SORCS2: variants seen among roughly 807,000 people sequenced by gnomAD.
SORCS2 encodes the protein sortilin related VPS10 domain containing receptor 2, also known as VPS10 domain-containing receptor SorCS2.
A neutral mutation model predicts 141.6 loss-of-function variants in SORCS2; 100 were observed. The observed-to-expected ratio is 0.71, with a 90% CI of 0.60 to 0.83. SORCS2 has a LOEUF of 0.83. Ranked by LOEUF, SORCS2 falls within the 40% of genes least tolerant of loss-of-function variation. The probability of loss-of-function intolerance (pLI) is 0.00; values close to 1 mark genes in which losing one functional copy is unlikely to be tolerated. For missense variants in SORCS2, 1,646 were observed against 1,560.2 expected (o/e 1.05, Z -0.93); for synonymous variants, 789 against 676.9 (o/e 1.17, Z -2.57).
At chr4:7,424,936 G>T (rs898278510) in intron 2 of SORCS2, among the ~76,000 whole-genome samples, 4 of 152,242 alleles carry the variant, frequency 2.6e-5, no homozygotes, top group Admixed American at 6.5e-5. Flanking sequence ...CAGGACACTG[G>T]CATGGGTGCT....
chr4:7,568,583 G>A (rs1434300290), intron 3 of SORCS2, among the ~76,000 whole-genome samples: 1 of 152,112 alleles, frequency 6.6e-6, no homozygotes, highest in Non-Finnish European at 1.5e-5. Context: ...ACTTTGCAAA[G>A]AGTTGGTATC....
chr4:7,408,410 G>C (rs954794959), intron 2 of SORCS2, among the ~76,000 whole-genome samples: 1 of 150,450 alleles, frequency 6.6e-6, no homozygotes, highest in Non-Finnish European at 1.5e-5. Context: ...TTAGCACTTT[G>C]AAAATGTCTT....
At chr4:7,623,216 A>G (rs921768123) in intron 3 of SORCS2, among the ~76,000 whole-genome samples, 3 of 151,798 alleles carry the variant, frequency 2.0e-5, no homozygotes, top group African/African-American at 7.3e-5. Flanking sequence ...CTGATGCCCC[A>G]CCTTTGACAA....
At chr4:7,572,445 G>T (rs908528673) in intron 3 of SORCS2, among the ~76,000 whole-genome samples, 1 of 151,776 alleles carries the variant, frequency 6.6e-6, no homozygotes, top group African/African-American at 2.4e-5. Flanking sequence ...AATTTTTTTT[G>T]GAATTTAAAC....
At chr4:7,530,021 G>A (rs1052187191) in intron 2 of SORCS2, among the ~76,000 whole-genome samples, 1 of 152,184 alleles carries the variant, frequency 6.6e-6, no homozygotes, top group East Asian at 1.9e-4. Context: ...AGGACTGTGA[G>A]GGACACACAT....
chr4:7,598,450 A>G (rs925926305), intron 3 of SORCS2, among the ~76,000 whole-genome samples: 11 of 152,152 alleles, frequency 7.2e-5, no homozygotes, highest in South Asian at 2.1e-4. Context: ...CCCTGCATTG[A>G]TGTAGGAGCT....
chr4:7,671,034 A>G (rs1722769892), intron 8 of SORCS2, among the ~76,000 whole-genome samples: 1 of 152,216 alleles, frequency 6.6e-6, no homozygotes, highest in African/African-American at 2.4e-5. Flanking sequence ...AGACATTCAA[A>G]AGCAACTGTA....
At chr4:7,706,189 G>A (rs1239213494) in intron 14 of SORCS2, among the ~76,000 whole-genome samples, 1 of 127,818 alleles carries the variant, frequency 7.8e-6, no homozygotes, top group African/African-American at 2.9e-5. Flanking sequence ...GCTGGGCTCC[G>A]TCTGGGCAGG....
intron 1 of SORCS2, among the ~76,000 whole-genome samples, chr4:7,237,053 C>T (rs144195042): frequency 1.4e-3 from 213 of 152,290 alleles, no homozygotes; most frequent in African/African-American, 4.9e-3. Context: ...TGCCAGCGCA[C>T]ATGGTCACTG....
chr4:7,527,198 G>A (rs1447802264), intron 2 of SORCS2, among the ~76,000 whole-genome samples: 1 of 152,188 alleles, frequency 6.6e-6, no homozygotes, highest in East Asian at 1.9e-4. Flanking sequence ...CCTCGGACCC[G>A]GCTCAAATGC....
chr4:7,243,678 G>T (rs183198376), intron 1 of SORCS2, among the ~76,000 whole-genome samples: 1 of 152,248 alleles, frequency 6.6e-6, no homozygotes, highest in South Asian at 2.1e-4. Context: ...GCGGGTGGTC[G>T]TTGGCATGAA....
At chr4:7,626,110 G>A (rs1560436297) in intron 3 of SORCS2, among the ~76,000 whole-genome samples, 2 of 152,098 alleles carry the variant, frequency 1.3e-5, no homozygotes, top group Middle Eastern at 3.4e-3. Context: ...TCACACCACT[G>A]CACTCCAGCC....
chr4:7,302,416 C>T (rs192825712), intron 1 of SORCS2, among the ~76,000 whole-genome samples: 6 of 152,350 alleles, frequency 3.9e-5, no homozygotes, highest in South Asian at 4.1e-4. Context: ...ACTCCTGCCT[C>T]GGGGCCTTTG....
At chr4:7,429,412 A>C (rs1450899019) in intron 2 of SORCS2, among the ~76,000 whole-genome samples, 1 of 152,248 alleles carries the variant, frequency 6.6e-6, no homozygotes, top group East Asian at 1.9e-4. Flanking sequence ...TTTGGTGAGG[A>C]AGACATGAAG....
chr4:7,255,983 G>A (rs1367033151), intron 1 of SORCS2, among the ~76,000 whole-genome samples: 2 of 150,440 alleles, frequency 1.3e-5, no homozygotes, highest in Non-Finnish European at 3.0e-5. Context: ...GGGGACCCGG[G>A]ATTGGTGCAT....
chr4:7,336,187 G>T (rs900216972), intron 1 of SORCS2, among the ~76,000 whole-genome samples: 1 of 152,202 alleles, frequency 6.6e-6, no homozygotes, highest in South Asian at 2.1e-4. Flanking sequence ...CCTGCCCTGC[G>T]TCCTGGTCGA....
At chr4:7,230,802 C>A (rs557193539) in intron 1 of SORCS2, among the ~76,000 whole-genome samples, 1 of 151,332 alleles carries the variant, frequency 6.6e-6, no homozygotes, top group Non-Finnish European at 1.5e-5. Context: ...ATGGTAAAGT[C>A]TTCGAGTGTC....
In SORCS2 at chr4:7,531,637, C is replaced by CA. The variant is rs749784368; in HGVS notation, c.648+8_648+9insA. On this transcript the variant is annotated intron_variant, in intron 3 of 26. Coordinates refer to ENST00000507866, the MANE Select transcript of SORCS2 (RefSeq NM_020777.3). ...CCGACCAACAAGAGGAAGGTAGGTG[C>CA]TGGCTGGGGGTGGCCGCCACTCTGG... 2.7e-4 allele frequency: 437 copies of CA among 1,612,078 alleles called. No individual in the cohort carries two copies. The highest frequency in any genetic ancestry group is 3.3e-4 in the Non-Finnish European group (386 of 1,179,122).
chr4:7,327,347 C>T (rs1243474694), intron 1 of SORCS2, among the ~76,000 whole-genome samples: 2 of 152,216 alleles, frequency 1.3e-5, no homozygotes, highest in East Asian at 1.9e-4. Flanking sequence ...CACATCCCTC[C>T]GTCTGGCTCT....
Sources: gnomAD v4.1 joint callset for allele counts (sites outside exome capture counted in the v4.1 genomes callset) on GRCh38, gnomAD v4.1.1 for gene constraint, MANE v1.5 for transcripts, NCBI Gene and HGNC (gene_info 2026-07-23, HGNC 2026-07-21) for gene names.